Variants in REDIC1 observed in about 807,000 individuals in gnomAD.
REDIC1 encodes the protein HEI10 Interacting Protein 1.
At chr12:39,766,861 C>T in the REDIC1 span, among the ~76,000 whole-genome samples, 2 of 152,048 alleles carry the variant, frequency 1.3e-5, no homozygotes, top group Non-Finnish European at 2.9e-5. Flanking sequence ...CTTTAGGCTT[C>T]GCTTCTACAA....
At chr12:39,764,409 AAT>A in the REDIC1 span, 1 of 1,430,406 alleles carries the variant, frequency 7.0e-7, no homozygotes, top group Non-Finnish European at 9.4e-7. Context: ...TGTATCTAAA[AAT>A]AGTGATAAAA....
At chr12:39,809,193 T>G in the REDIC1 span, among the ~76,000 whole-genome samples, 1 of 152,306 alleles carries the variant, frequency 6.6e-6, no homozygotes, top group South Asian at 2.1e-4. Flanking sequence ...ATTGGATTAA[T>G]TTGGTTTTTT....
chr12:39,650,411 G>C, the REDIC1 span: 1 of 1,535,760 alleles, frequency 6.5e-7, no homozygotes, highest in Admixed American at 2.3e-5. The surrounding 1 kb of genome is among the most constrained non-coding windows in gnomAD (Gnocchi z 4.3). Context: ...CTTTCACTTA[G>C]AAATTTGATT....
the REDIC1 span, among the ~76,000 whole-genome samples, chr12:39,731,885 A>G: frequency 6.6e-5 from 10 of 151,340 alleles, no homozygotes; most frequent in Non-Finnish European, 1.2e-4. Flanking sequence ...CAAATGTAGA[A>G]AATGTAACAC....
the REDIC1 span, among the ~76,000 whole-genome samples, chr12:39,720,283 A>G: frequency 6.6e-6 from 1 of 151,874 alleles, no homozygotes; most frequent in South Asian, 2.1e-4. Flanking sequence ...TTAAGATTAT[A>G]TATATATATA....
At chr12:39,821,409 C>CAA in the REDIC1 span, among the ~76,000 whole-genome samples, 11 of 144,098 alleles carry the variant, frequency 7.6e-5, no homozygotes, top group African/African-American at 2.3e-4. Context: ...GACTCCGTCT[C>CAA]AAAAAAAAAA....
the REDIC1 span, chr12:39,683,196 G>A: frequency 9.6e-6 from 14 of 1,455,856 alleles, no homozygotes; most frequent in East Asian, 2.3e-4. Context: ...TTCAGTTTTA[G>A]TATATATATT....
the REDIC1 span, among the ~76,000 whole-genome samples, chr12:39,748,256 A>G: frequency 6.6e-6 from 1 of 152,188 alleles, no homozygotes; most frequent in South Asian, 2.1e-4. Flanking sequence ...AAAATAAAAA[A>G]AGGCAGGGGT....
At chr12:39,853,623 A>C in the REDIC1 span, among the ~76,000 whole-genome samples, 1 of 138,704 alleles carries the variant, frequency 7.2e-6, no homozygotes, top group African/African-American at 2.7e-5. Context: ...TTTTTTGTTA[A>C]GTAATTTTCC....
chr12:39,669,859 G>C, the REDIC1 span, among the ~76,000 whole-genome samples: 1 of 152,194 alleles, frequency 6.6e-6, no homozygotes, highest in Non-Finnish European at 1.5e-5. Context: ...CCAGGTGTGG[G>C]GTATAATTTC....
chr12:39,896,252 GTATGTA>G, the REDIC1 span, among the ~76,000 whole-genome samples: 1 of 84,404 alleles, frequency 1.2e-5, no homozygotes, highest in African/African-American at 4.5e-5. Context: ...ATGTATACAT[GTATGTA>G]TATGTGTGTA....
chr12:39,660,949 T>G, the REDIC1 span, among the ~76,000 whole-genome samples: 1 of 152,114 alleles, frequency 6.6e-6, no homozygotes, highest in Non-Finnish European at 1.5e-5. Flanking sequence ...CTTATTTCAC[T>G]TCCAGTTCCA....
chr12:39,636,236 C>T, the REDIC1 span, among the ~76,000 whole-genome samples: 6 of 151,958 alleles, frequency 3.9e-5, no homozygotes, highest in African/African-American at 1.5e-4. Flanking sequence ...ATTCGGTCTC[C>T]GAGAACTTAT....
At chr12:39,722,133 T>C in the REDIC1 span, among the ~76,000 whole-genome samples, 4 of 152,128 alleles carry the variant, frequency 2.6e-5, no homozygotes, top group African/African-American at 9.6e-5. Context: ...TTCTTTGCCT[T>C]TAAAGAAAAC....
At chr12:39,849,343 G>C in the REDIC1 span, among the ~76,000 whole-genome samples, 2 of 152,144 alleles carry the variant, frequency 1.3e-5, no homozygotes, top group Non-Finnish European at 2.9e-5. Flanking sequence ...TACTTGGACA[G>C]CATGAAAGGT....
chr12:39,830,251 G>A, the REDIC1 span: 4 of 1,606,920 alleles, frequency 2.5e-6, no homozygotes, highest in African/African-American at 1.3e-5. Flanking sequence ...AAGAGTTACC[G>A]TCATGTTGGC....
the REDIC1 span, among the ~76,000 whole-genome samples, chr12:39,898,503 C>T: frequency 2.5e-5 from 1 of 40,056 alleles, no homozygotes; most frequent in East Asian, 3.3e-4. Flanking sequence ...CCACGCTTTT[C>T]CCCCCTCTAT....
the REDIC1 span, among the ~76,000 whole-genome samples, chr12:39,707,156 T>C: frequency 6.6e-6 from 1 of 151,864 alleles, no homozygotes; most frequent in African/African-American, 2.4e-5. Context: ...TTCAAACAAC[T>C]GTATAGGAAA....
the REDIC1 span, among the ~76,000 whole-genome samples, chr12:39,684,540 T>C: frequency 6.6e-6 from 1 of 152,230 alleles, no homozygotes; most frequent in South Asian, 2.1e-4. Context: ...TTTGTTGTTA[T>C]ATCTCCCAAT....
Sources: gnomAD v4.1 joint callset for allele counts (sites outside exome capture counted in the v4.1 genomes callset) on GRCh38, gnomAD v4.1.1 for gene constraint, Gnocchi (gnomAD v3.1) non-coding constraint, MANE v1.5 for transcripts, NCBI Gene and HGNC (gene_info 2026-07-23, HGNC 2026-07-21) for gene names.